ADGRD1: variants seen among roughly 807,000 people sequenced by gnomAD.
ADGRD1 encodes G-protein coupled receptor 133.
ADGRD1 carries 77 observed loss-of-function variants against 113.4 expected under a neutral mutation model. That is an observed-to-expected ratio of 0.68 (90% CI 0.57 to 0.82). The LOEUF is 0.82. Ranked by LOEUF, ADGRD1 falls within the 40% of genes least tolerant of loss-of-function variation. The probability of loss-of-function intolerance (pLI) is 0.00; values close to 1 mark genes in which losing one functional copy is unlikely to be tolerated. For synonymous variants in ADGRD1, 474 were observed against 475.0 expected (o/e 1.00, Z 0.03); for missense variants, 1,036 against 1,139.1 (o/e 0.91, Z 1.30).
chr12:131,123,838 A>G (rs1460174213), intron 20 of ADGRD1, among the ~76,000 whole-genome samples: 3 of 152,014 alleles, frequency 2.0e-5, no homozygotes, highest in Non-Finnish European at 4.4e-5. Context: ...AAAAAAAAAA[A>G]AAAGGTTCCA....
At chr12:131,055,830 T>A (rs1214100148) in intron 13 of ADGRD1, among the ~76,000 whole-genome samples, 2 of 152,154 alleles carry the variant, frequency 1.3e-5, no homozygotes, top group African/African-American at 4.8e-5. Context: ...GCTGTCAGAT[T>A]CCCCCATTCT....
chr12:131,076,843 G>A lies in ADGRD1; in HGVS notation c.1516G>A (p.Val506Ile). The A allele has an allele frequency of 2.5e-6, 4 of 1,614,178 alleles. No homozygotes were observed. The highest frequency in any genetic ancestry group is 2.2e-5 in the East Asian group (1 of 44,880). ...HSEATNSSNR[V>I]FVYCAFLDFS... Reference sequence around the variant, plus strand: ...TGAGGCCACCAACAGCAGCAACCGAGTCTTCGTGTACTGCGCCTTCCTGGA... The same window carrying A: ...TGAGGCCACCAACAGCAGCAACCGAATCTTCGTGTACTGCGCCTTCCTGGA... The change falls in exon 14 of 25, where the codon GTC becomes ATC. Residue 506 changes from valine (V) to isoleucine (I), a missense_variant. Transcript: ENST00000261654.
rs1048080050 is a variant in ADGRD1, at chr12:131,022,142, C to T, written c.1473+7802C>T. Among the ~76,000 whole-genome samples, 2 of 152,182 alleles carry T rather than the reference C, an allele frequency of 1.3e-5. No homozygotes were observed. The highest frequency in any genetic ancestry group is 1.3e-4 in the Admixed American group (2 of 15,280). ...GAGGTCTTGGGGGTTAGGGCTTCAA[C>T]AGGTGACTTTAGTGGGGAGCAATTC... On this transcript the variant is annotated intron_variant, in intron 13 of 24. Coordinates refer to ENST00000261654, the MANE Select transcript of ADGRD1 (RefSeq NM_198827.5). The surrounding 1 kb of genome is among the most constrained non-coding windows in gnomAD (Gnocchi z 4.6).
At chr12:131,064,283 G>T (rs1169830678) in intron 13 of ADGRD1, among the ~76,000 whole-genome samples, 2 of 152,176 alleles carry the variant, frequency 1.3e-5, no homozygotes, top group Non-Finnish European at 1.5e-5. Flanking sequence ...CGACTAATAA[G>T]TTAGCTCTAG....
chr12:131,048,243 CTG>C (rs1160164575), intron 13 of ADGRD1, among the ~76,000 whole-genome samples: 11 of 152,250 alleles, frequency 7.2e-5, no homozygotes, highest in African/African-American at 2.7e-4. Flanking sequence ...GCTTCTGACA[CTG>C]TGAATCCAGC....
At chr12:130,975,214 G>A (rs905635044) in intron 4 of ADGRD1, among the ~76,000 whole-genome samples, 2 of 152,102 alleles carry the variant, frequency 1.3e-5, no homozygotes, top group African/African-American at 4.8e-5. Context: ...AACTTTACGG[G>A]GATGAGCTCC....
At chr12:131,103,951 C>T (rs1249029901) in intron 15 of ADGRD1, among the ~76,000 whole-genome samples, 3 of 152,150 alleles carry the variant, frequency 2.0e-5, no homozygotes, top group South Asian at 2.1e-4. Flanking sequence ...CCTCCTGGAG[C>T]GCAGGGTCAC....
chr12:131,073,735 C>T (rs1338232006), intron 13 of ADGRD1, among the ~76,000 whole-genome samples: 2 of 152,162 alleles, frequency 1.3e-5, no homozygotes, highest in African/African-American at 4.8e-5. Flanking sequence ...TGTGCTGCTT[C>T]ACCTCTTGGT....
At chr12:131,026,169 G>A (rs1325886345) in intron 13 of ADGRD1, 1 of 152,276 alleles carries the variant, frequency 6.6e-6, no homozygotes, top group Admixed American at 6.5e-5. Flanking sequence ...AAACGGGGCA[G>A]CCGCGGGTGT....
At chr12:131,004,392 G>GCTGCGGTGCTCCCCCGGGCTGC (rs1555243420) in intron 11 of ADGRD1, 96 bp downstream of exon 11, 33 of 790,916 alleles carry the variant, frequency 4.2e-5, no homozygotes, top group Admixed American at 6.3e-5. Flanking sequence ...GCGCCAGGGA[G>GCTGCGGTGCTCCCCCGGGCTGC]CTGCGGTGCT....
chr12:131,138,374 G>A (rs762368767), intron 24 of ADGRD1, 145 bp downstream of exon 24: 446 of 675,414 alleles, frequency 6.6e-4, no homozygotes, highest in Non-Finnish European at 1.0e-3. Flanking sequence ...CAGGCTGCAC[G>A]TGCTCTGGGC....
Position 130,954,805 on chromosome 12 carries a change from A to G in ADGRD1, c.103+145A>G, listed in dbSNP as rs1024944939. 2.7e-6 allele frequency: 2 copies of G among 752,072 alleles called. No homozygotes were observed. The highest frequency in any genetic ancestry group is 4.6e-6 in the Non-Finnish European group (2 of 439,014). The allele number at this position is 752,072 out of a possible 1,614,324, so 46.6% of individuals were successfully genotyped here. A position where few individuals can be genotyped will look rare whatever the true frequency, so the allele number is the denominator to read the frequency against. On this transcript the variant is annotated intron_variant, in intron 2 of 24. Transcript: ENST00000261654. This position sits in a 1 kb window ranked among gnomAD's most constrained non-coding sequence, Gnocchi z 4.7. ...GTCCCCGACCTCACTGCCTCACCAC[A>G]CACTGTGACCCTGGGCAGCTCTGCT...
intron 2 of ADGRD1, chr12:130,957,960 TCCTC>T (rs1446362184): frequency 6.6e-6 from 1 of 152,368 alleles, no homozygotes; most frequent in Non-Finnish European, 1.5e-5. Flanking sequence ...TTCTCTTCCT[TCCTC>T]CTTCCTTCCT....
At chr12:130,969,540 G>C (rs750178144) in intron 3 of ADGRD1, 1 of 157,634 alleles carries the variant, frequency 6.3e-6, no homozygotes, top group Non-Finnish European at 1.4e-5. Context: ...TCTAATGCCC[G>C]ATGATCTGTC....
Position 131,003,984 on chromosome 12 carries a change from C to T in ADGRD1, c.1145-202C>T, listed in dbSNP as rs544918402. Among the ~76,000 whole-genome samples, 1 of 151,204 alleles carries T rather than the reference C, an allele frequency of 6.6e-6. No homozygotes were observed. The highest frequency in any genetic ancestry group is 2.1e-4 in the South Asian group (1 of 4,794). ...CCCGTGGGCCGGAATGCTGAGCCTC[C>T]CCGTGGCAGTCACTGCCTGGGCTCT... On this transcript the variant is annotated intron_variant, in intron 10 of 24. Coordinates refer to ENST00000261654, the MANE Select transcript of ADGRD1 (RefSeq NM_198827.5). The surrounding 1 kb of genome is among the most constrained non-coding windows in gnomAD (Gnocchi z 4.8).
At chr12:131,046,174 TGG>T (rs1882707026) in intron 13 of ADGRD1, among the ~76,000 whole-genome samples, 1 of 134,948 alleles carries the variant, frequency 7.4e-6, no homozygotes, top group Non-Finnish European at 1.6e-5. Flanking sequence ...GTGTCCTTCC[TGG>T]TCAATGCTCC....
chr12:131,080,896 A>G (rs1401198335), intron 14 of ADGRD1, among the ~76,000 whole-genome samples: 1 of 152,194 alleles, frequency 6.6e-6, no homozygotes, highest in Non-Finnish European at 1.5e-5. Flanking sequence ...CTGGGATTAC[A>G]GGCGTGAGCC....
At chr12:131,077,082 C>G (rs9651786) in intron 14 of ADGRD1, among the ~76,000 whole-genome samples, 3,401 of 152,324 alleles carry the variant, frequency 0.022, 136 homozygotes, top group African/African-American at 0.077. Flanking sequence ...GAGGAGGGGC[C>G]TGCTGTTGCA....
Position 131,050,054 on chromosome 12 carries a change from T to G in ADGRD1, c.1474-26747T>G, listed in dbSNP as rs538973092. The stretch of plus-strand genomic sequence containing the variant: ...GGAAACTGGGCACGAATGCTTCTCT[T>G]GCATAGTGCTTGGCACATAGATTGG... On this transcript the variant is annotated intron_variant, in intron 13 of 24. Transcript: ENST00000261654. This position sits in a 1 kb window ranked among gnomAD's most constrained non-coding sequence, Gnocchi z 4.8. Among the ~76,000 whole-genome samples the G allele has an allele frequency of 2.6e-5, 4 of 152,310 alleles. No individual in the cohort carries two copies. The South Asian group carries it at 8.3e-4, about 32-fold the overall frequency.
Sources: gnomAD v4.1 joint callset for allele counts (sites outside exome capture counted in the v4.1 genomes callset) on GRCh38, gnomAD v4.1.1 for gene constraint, Gnocchi (gnomAD v3.1) non-coding constraint, MANE v1.5 for transcripts, NCBI Gene and HGNC (gene_info 2026-07-23, HGNC 2026-07-21) for gene names.